CNBD1: variants seen among roughly 807,000 people sequenced by gnomAD.
CNBD1 encodes cyclic nucleotide binding domain containing 1, also known as cyclic nucleotide-binding domain-containing protein 1.
CNBD1 carries 71 observed loss-of-function variants against 54.4 expected under a neutral mutation model. That is an observed-to-expected ratio of 1.30 (90% CI 1.08 to 1.59). The LOEUF (loss-of-function observed/expected upper bound fraction) is 1.59, where lower values mean the gene tolerates loss of function less well. CNBD1 is among the 40% of genes most tolerant of loss of function. CNBD1 has a pLI of 0.00. For synonymous variants in CNBD1, 182 were observed against 170.7 expected, an observed-to-expected ratio of 1.07 and a Z score of -0.51; for missense variants, 659 against 518.0, an observed-to-expected ratio of 1.27 and a Z score of -2.64.
At chr8:86,982,527 T>C (rs1050109720) in intron 4 of CNBD1, among the ~76,000 whole-genome samples, 1 of 152,222 alleles carries the variant, frequency 6.6e-6, no homozygotes, top group East Asian at 1.9e-4. Context: ...ATAGGCAGTA[T>C]GATTTGTTGC....
chr8:87,311,623 T>A (rs1309245359), intron 8 of CNBD1, among the ~76,000 whole-genome samples: 1 of 152,034 alleles, frequency 6.6e-6, no homozygotes, highest in East Asian at 1.9e-4. Flanking sequence ...ATAAATCCTT[T>A]TAGCAAAAGG....
chr8:87,271,038 A>C (rs547387211), intron 6 of CNBD1, among the ~76,000 whole-genome samples: 5 of 151,560 alleles, frequency 3.3e-5, no homozygotes, highest in Non-Finnish European at 7.4e-5. Flanking sequence ...ATTTTTTTCT[A>C]GGTTTCTGAA....
chr8:87,366,828 TAAGA>T (rs1206828047), intron 10 of CNBD1, among the ~76,000 whole-genome samples: 2 of 152,044 alleles, frequency 1.3e-5, no homozygotes, highest in Non-Finnish European at 2.9e-5. Flanking sequence ...GGCAAACAAA[TAAGA>T]AAGGAAGTGA....
At chr8:87,298,089 CAT>C (rs1334899524) in intron 8 of CNBD1, among the ~76,000 whole-genome samples, 1 of 151,768 alleles carries the variant, frequency 6.6e-6, no homozygotes, top group Non-Finnish European at 1.5e-5. Flanking sequence ...TATTTACAGA[CAT>C]AATAATTATT....
At chr8:86,974,235 A>T (rs1808290799) in intron 4 of CNBD1, among the ~76,000 whole-genome samples, 1 of 152,178 alleles carries the variant, frequency 6.6e-6, no homozygotes, top group African/African-American at 2.4e-5. Flanking sequence ...GTTGAAAAAA[A>T]ATTCAGAAGT....
At chr8:87,177,500 T>C (rs1044383517) in intron 4 of CNBD1, among the ~76,000 whole-genome samples, 1 of 152,220 alleles carries the variant, frequency 6.6e-6, no homozygotes, top group East Asian at 1.9e-4. Flanking sequence ...TGCATAGTTC[T>C]AAATTCTACA....
In CNBD1 at chr8:87,424,860, G is replaced by A. The variant is rs1475673844; in HGVS notation, c.214-3686G>A. On this transcript the variant is annotated intron_variant, in intron 2 of 7. Transcript: ENST00000521593. Reference sequence around the variant, plus strand: ...TTCTCTGTATTTCCTGAATCTGAACGTTGGCCTGCCTTGCTAGATTGGGGA... The same window carrying A: ...TTCTCTGTATTTCCTGAATCTGAACATTGGCCTGCCTTGCTAGATTGGGGA... Among the ~76,000 whole-genome samples, 11 of 151,992 alleles carry A rather than the reference G, an allele frequency of 7.2e-5. 1 individual carries two copies. Among genetic ancestry groups the A allele is most frequent in the Admixed American group, 3.9e-4 (6 of 15,260 alleles).
At chr8:87,226,190 A>G (rs1049936648) in intron 5 of CNBD1, among the ~76,000 whole-genome samples, 1 of 151,938 alleles carries the variant, frequency 6.6e-6, no homozygotes, top group East Asian at 1.9e-4. Context: ...TCAAAAAACC[A>G]GCTCCTGGAT....
Position 87,286,546 on chromosome 8 carries a change from T to A in CNBD1, c.917T>A (p.Ile306Lys). 1 of 1,427,564 alleles carries A rather than the reference T, an allele frequency of 7.0e-7. No individual in the cohort carries two copies. Among genetic ancestry groups the A allele is most frequent in the African/African-American group, 1.4e-5 (1 of 70,520 alleles). 88.4% of individuals were successfully genotyped at this position (1,427,564 alleles called of 1,614,324 possible). A position where few individuals can be genotyped will look rare whatever the true frequency, so the allele number is the denominator to read the frequency against. The change falls in exon 8 of 11, where the codon ATA becomes AAA. Residue 306 changes from isoleucine to lysine, a missense_variant. Physicochemically the swap from Ile to Lys is moderately radical, Grantham distance 102. Coordinates refer to ENST00000518476, the MANE Select transcript of CNBD1 (RefSeq NM_173538.3). Reference sequence around the variant, plus strand: ...AATGACATTCTGTTTTAGGAAAAAATAAAACTTGAAAATATGCAAAAGTTG... The same window carrying A: ...AATGACATTCTGTTTTAGGAAAAAAAAAAACTTGAAAATATGCAAAAGTTG... ...KGYAKIKEEK[I>K]KLENMQKLKL... is the part of the protein sequence containing the mutation.
chr8:87,315,208 T>C (rs1809358488), intron 8 of CNBD1, among the ~76,000 whole-genome samples: 1 of 152,078 alleles, frequency 6.6e-6, no homozygotes, highest in African/African-American at 2.4e-5. Context: ...TATTTTGTTT[T>C]AGACAAATAG....
At chr8:87,073,795 G>C (rs1810808152) in intron 4 of CNBD1, among the ~76,000 whole-genome samples, 1 of 152,064 alleles carries the variant, frequency 6.6e-6, no homozygotes, top group African/African-American at 2.4e-5. Flanking sequence ...AACAGGATCA[G>C]GGACCTTCCT....
intron 4 of CNBD1, among the ~76,000 whole-genome samples, chr8:87,046,949 C>T (rs1256751205): frequency 2.0e-5 from 3 of 152,140 alleles, no homozygotes; most frequent in Admixed American, 6.5e-5. Context: ...GTGTTATTTG[C>T]TATTCTGATG....
At chr8:86,916,089 G>A (rs1043436070) in intron 3 of CNBD1, among the ~76,000 whole-genome samples, 1 of 152,128 alleles carries the variant, frequency 6.6e-6, no homozygotes, top group African/African-American at 2.4e-5. Context: ...ACTTTAAGTA[G>A]GAGGAAGATA....
chr8:86,953,503 C>T (rs944607200), intron 4 of CNBD1, among the ~76,000 whole-genome samples: 1 of 152,138 alleles, frequency 6.6e-6, no homozygotes, highest in Non-Finnish European at 1.5e-5. Context: ...AAATCCCGTA[C>T]AATTTTGGAA....
At chr8:87,108,845 G>T (rs1811599033) in intron 4 of CNBD1, among the ~76,000 whole-genome samples, 2 of 152,020 alleles carry the variant, frequency 1.3e-5, no homozygotes, top group African/African-American at 4.8e-5. Flanking sequence ...TATTCTTCTT[G>T]TATTTCAGTT....
rs139691001 is a variant in CNBD1 at position 86,891,128 on chromosome 8, C to T, written c.158+3517C>T. Among the ~76,000 whole-genome samples, 1,144 of 152,028 alleles carry T rather than the reference C, an allele frequency of 7.5e-3. 13 individuals are homozygous for T. The highest frequency in any genetic ancestry group is 0.026 in the African/African-American group (1,060 of 41,488). On this transcript the variant is annotated intron_variant, in intron 2 of 10. Transcript: ENST00000518476. Reference sequence around the variant, plus strand: ...CATTTGATTGTTTTTGCTTTTGTTGCCTGTGCTTTCAGGTCATACTCAAAA... The same window carrying T: ...CATTTGATTGTTTTTGCTTTTGTTGTCTGTGCTTTCAGGTCATACTCAAAA...
intron 10 of CNBD1, 140 bp from the exon 11 acceptor site, chr8:87,382,480 T>G (rs1269201825): frequency 1.7e-6 from 1 of 586,530 alleles, no homozygotes; most frequent in East Asian, 2.8e-5. Context: ...GAATAAGCTC[T>G]GACAATATTA....
intron 4 of CNBD1, among the ~76,000 whole-genome samples, chr8:87,109,540 CTT>C (rs35541466): frequency 1.7e-4 from 18 of 107,922 alleles, no homozygotes; most frequent in South Asian, 3.3e-4. Flanking sequence ...TTCTTTCTTT[CTT>C]TTTTTTTTTT....
intron 3 of CNBD1, among the ~76,000 whole-genome samples, chr8:86,925,085 T>G (rs567822700): frequency 6.6e-6 from 1 of 152,198 alleles, no homozygotes; most frequent in African/African-American, 2.4e-5. Context: ...GATGACAGGA[T>G]TTCAATATTG....
Sources: gnomAD v4.1 joint callset for allele counts (sites outside exome capture counted in the v4.1 genomes callset) on GRCh38, gnomAD v4.1.1 for gene constraint, MANE v1.5 for transcripts, NCBI Gene and HGNC (gene_info 2026-07-23, HGNC 2026-07-21) for gene names.